The following NIN variants were observed in gnomAD, a reference collection of about 807,000 sequenced individuals.
The protein encoded by NIN is ninein.
In NIN, 137 loss-of-function variants were observed where a neutral mutation model predicts 257.6. That is an observed-to-expected ratio of 0.53 (90% CI 0.46 to 0.61). NIN has a LOEUF of 0.61. Ranked by LOEUF, NIN falls within the 20% of genes least tolerant of loss-of-function variation. The pLI is 0.00. For missense variants in NIN, 2,439 were observed against 2,501.2 expected, an observed-to-expected ratio of 0.98 and a Z score of 0.53; for synonymous variants, 918 against 919.8, an observed-to-expected ratio of 1.00 and a Z score of 0.04.
At chr14:50,735,741 C>G (rs2140423836) in intron 27 of NIN, 124 bp from the exon 28 acceptor site, 4 of 1,223,828 alleles carry the variant, frequency 3.3e-6, no homozygotes, top group Non-Finnish European at 4.4e-6. Flanking sequence ...CAAGTTAATT[C>G]AGTGACAAAC....
intron 5 of NIN, among the ~76,000 whole-genome samples, chr14:50,785,053 T>G (rs937835999): frequency 6.6e-6 from 1 of 152,152 alleles, no homozygotes; most frequent in Non-Finnish European, 1.5e-5. Context: ...CCAAACCCAC[T>G]CTGTGGGCCG....
intron 16 of NIN, 42 bp downstream of exon 16, chr14:50,761,748 G>A: frequency 6.2e-7 from 1 of 1,612,570 alleles, no homozygotes; most frequent in African/African-American, 1.3e-5. Flanking sequence ...GCCTGTCAGA[G>A]CCAAAAGAAA....
chr14:50,747,101 C>T (rs1426398534), intron 22 of NIN, among the ~76,000 whole-genome samples: 1 of 152,186 alleles, frequency 6.6e-6, no homozygotes, highest in Non-Finnish European at 1.5e-5. Context: ...GTGATCTGCC[C>T]ACCTTGGCCT....
At chr14:50,744,165 G>T in intron 23 of NIN, 78 bp downstream of exon 23, 1 of 1,503,796 alleles carries the variant, frequency 6.6e-7, no homozygotes, top group Non-Finnish European at 9.1e-7. Context: ...GGAGGCCCCT[G>T]TGCCACTGTC....
intron 3 of NIN, among the ~76,000 whole-genome samples, chr14:50,807,933 T>C (rs113692673): frequency 2.9e-3 from 446 of 152,220 alleles, no homozygotes; most frequent in Middle Eastern, 6.8e-3. Flanking sequence ...TTAGTTTTGA[T>C]TGATTGGAAT....
chr14:50,759,543 G>A (rs919296300), intron 17 of NIN, among the ~76,000 whole-genome samples: 5 of 151,392 alleles, frequency 3.3e-5, no homozygotes, highest in Non-Finnish European at 5.9e-5. Context: ...GCCCAGGCTG[G>A]AGTGCAGTAG....
At chr14:50,745,486 T>G (rs2041497583) in intron 22 of NIN, among the ~76,000 whole-genome samples, 1 of 152,224 alleles carries the variant, frequency 6.6e-6, no homozygotes, top group East Asian at 1.9e-4. Context: ...TTATTATCAT[T>G]ATGATTTTAC....
rs1210872035 is a variant in NIN at position 50,754,833 on chromosome 14, T to C, written c.4573A>G (p.Ile1525Val). ...ESEKLQQENS[I>V]LRNEITTLNE... ...AAAGTAGTAATTTCATTTCTCAAAA[T>C]AGAATTTTCCTGTTGAAGCTTTTCA... Residue 1525 changes from isoleucine (I) to valine (V), a missense_variant, in exon 19 of 31, where the codon ATT (isoleucine) becomes GTT (valine). Physicochemically the swap from Ile to Val is conservative, Grantham distance 29. Around this residue, in one of 3 missense-constraint regions of NIN, gnomAD observed 2,043 missense variants for 2,050.2 expected, o/e 1.00. Coordinates refer to ENST00000530997, the MANE Select transcript of NIN (RefSeq NM_020921.4). 1 of 1,581,370 alleles carries C rather than the reference T, an allele frequency of 6.3e-7. No homozygotes were observed. The highest frequency in any genetic ancestry group is 8.6e-7 in the Non-Finnish European group (1 of 1,167,068).
At chr14:50,820,204 G>A (rs953075701) in intron 3 of NIN, among the ~76,000 whole-genome samples, 1 of 152,118 alleles carries the variant, frequency 6.6e-6, no homozygotes, top group Admixed American at 6.5e-5. Context: ...GACCACTTAA[G>A]TATTCATTAT....
intron 3 of NIN, among the ~76,000 whole-genome samples, chr14:50,807,942 ATTAC>A (rs2142218117): frequency 6.6e-6 from 1 of 152,342 alleles, no homozygotes; most frequent in East Asian, 1.9e-4. Flanking sequence ...ATTGATTGGA[ATTAC>A]TTACTGAAAT....
chr14:50,759,362 AAC>A (rs1333352044), intron 17 of NIN, among the ~76,000 whole-genome samples: 1 of 152,214 alleles, frequency 6.6e-6, no homozygotes, highest in Non-Finnish European at 1.5e-5. Flanking sequence ...ACAAAATAAA[AAC>A]AGTTCCAATC....
intron 2 of NIN, among the ~76,000 whole-genome samples, chr14:50,828,110 A>AT (rs1465907053): frequency 6.6e-6 from 1 of 151,996 alleles, no homozygotes; most frequent in Non-Finnish European, 1.5e-5. Flanking sequence ...TACAAAAAAA[A>AT]AAAAAAAGGA....
chr14:50,739,481 C>A lies in NIN; in HGVS notation c.5455G>T (p.Ala1819Ser). 1 of 1,614,034 alleles carries A rather than the reference C, an allele frequency of 6.2e-7. No individual in the cohort carries two copies. Among genetic ancestry groups the A allele is most frequent in the Non-Finnish European group, 8.5e-7 (1 of 1,179,980 alleles). The change falls in exon 26 of 31, where the codon GCC (alanine) becomes TCC (serine). Residue 1819 changes from alanine (A) to serine (S), a missense_variant. Coordinates refer to ENST00000530997, the MANE Select transcript of NIN (RefSeq NM_020921.4). ...QLQNAGGKSW[A>S]PEIATHPSGL... ...GATGGATGAGTAGCTATCTCTGGGG[C>A]CCAGCTCTTAAGAGAATTGCAGAGT...
chr14:50,795,792 C>A (rs1442044763), intron 4 of NIN, among the ~76,000 whole-genome samples: 2 of 152,198 alleles, frequency 1.3e-5, no homozygotes, highest in Admixed American at 1.3e-4. Context: ...AAATGCCTGG[C>A]CAATATGGCG....
intron 4 of NIN, chr14:50,806,450 G>A: frequency 4.4e-6 from 1 of 225,182 alleles, no homozygotes; most frequent in Admixed American, 5.9e-5. Flanking sequence ...GATGAAAGCA[G>A]TTACCATTCA....
chr14:50,806,918 C>T (rs758721294), intron 3 of NIN, 100 bp from the exon 4 acceptor site: 1 of 550,472 alleles, frequency 1.8e-6, no homozygotes, highest in East Asian at 3.2e-5. Context: ...ATCCTGACAG[C>T]CTTGAAGTGA....
At chr14:50,725,269 A>G (rs535257010) in intron 30 of NIN, among the ~76,000 whole-genome samples, 2 of 152,234 alleles carry the variant, frequency 1.3e-5, no homozygotes, top group East Asian at 3.9e-4. Context: ...CTCAGTTTCC[A>G]GAGAGGCTAT....
intron 20 of NIN, 149 bp from the exon 21 acceptor site, chr14:50,752,882 C>A (rs2041853561): frequency 2.0e-6 from 1 of 510,824 alleles, no homozygotes; most frequent in Admixed American, 3.7e-5. Context: ...AATACACACT[C>A]ATTATTACAA....
intron 5 of NIN, among the ~76,000 whole-genome samples, chr14:50,789,135 C>T (rs1395725297): frequency 6.6e-6 from 1 of 152,170 alleles, no homozygotes; most frequent in Non-Finnish European, 1.5e-5. Context: ...AGGGGAGACT[C>T]GGCCCCAGTC....
Sources: gnomAD v4.1 joint callset for allele counts (sites outside exome capture counted in the v4.1 genomes callset) on GRCh38, gnomAD v4.1.1 for gene constraint, gnomAD v4.1.1 regional missense constraint, MANE v1.5 for transcripts, NCBI Gene and HGNC (gene_info 2026-07-23, HGNC 2026-07-21) for gene names.